Variants in HORMAD2 observed in about 807,000 individuals in gnomAD.
HORMAD2 encodes HORMA domain containing 2.
HORMAD2 carries 45 observed loss-of-function variants against 38.8 expected under a neutral mutation model. That is an observed-to-expected ratio of 1.16 (90% confidence interval 0.91 to 1.49). The LOEUF is 1.49. Ranked by LOEUF, HORMAD2 falls within the 40% of genes most tolerant of loss-of-function variation. The pLI is 0.00. For missense variants in HORMAD2, 338 were observed against 367.0 expected (o/e 0.92, Z 0.65); for synonymous variants, 126 against 122.8 (o/e 1.03, Z -0.17).
intron 1 of HORMAD2, among the ~76,000 whole-genome samples, chr22:30,085,854 G>A (rs2068561900): frequency 1.3e-5 from 2 of 152,186 alleles, no homozygotes; most frequent in African/African-American, 2.4e-5. Flanking sequence ...TAGGTCAGGG[G>A]ATACTTAAAG....
chr22:30,156,291 G>C (rs575777882), intron 10 of HORMAD2, among the ~76,000 whole-genome samples: 10 of 152,232 alleles, frequency 6.6e-5, no homozygotes, highest in African/African-American at 2.4e-4. Flanking sequence ...CTTTCACTAT[G>C]AGTTGAGAAG....
chr22:30,142,410 A>G (rs1341301151), intron 10 of HORMAD2, among the ~76,000 whole-genome samples: 1 of 152,210 alleles, frequency 6.6e-6, no homozygotes, highest in Admixed American at 6.5e-5. Flanking sequence ...TAGTTAGTTT[A>G]GACTGTTGTT....
intron 10 of HORMAD2, among the ~76,000 whole-genome samples, chr22:30,143,286 C>T (rs73883374): frequency 0.078 from 11,866 of 152,050 alleles, 543 homozygotes; most frequent in African/African-American, 0.092. Flanking sequence ...TTTCTCAAGT[C>T]GGTTTGAATT....
the HORMAD2 span, among the ~76,000 whole-genome samples, chr22:30,187,914 C>T: frequency 3.3e-5 from 5 of 151,954 alleles, no homozygotes; most frequent in South Asian, 2.1e-4. Flanking sequence ...GTGGGGGAGC[C>T]GCTGTGAGTC....
At chr22:30,139,144 TGG>T (rs1053267921) in intron 10 of HORMAD2, among the ~76,000 whole-genome samples, 4 of 151,464 alleles carry the variant, frequency 2.6e-5, no homozygotes, top group African/African-American at 9.7e-5. Flanking sequence ...TCAACTTTCC[TGG>T]GTCTCATGCC....
At chr22:30,114,426 T>C (rs1921893409) in intron 7 of HORMAD2, among the ~76,000 whole-genome samples, 1 of 152,172 alleles carries the variant, frequency 6.6e-6, no homozygotes, top group Non-Finnish European at 1.5e-5. Flanking sequence ...CTAAAAAGCA[T>C]CCACAAGTTA....
At chr22:30,164,985 G>GT (rs1350358057) in intron 10 of HORMAD2, among the ~76,000 whole-genome samples, 1 of 151,908 alleles carries the variant, frequency 6.6e-6, no homozygotes, top group Non-Finnish European at 1.5e-5. Flanking sequence ...TTTTGCCTTT[G>GT]TTTTTTGTGT....
chr22:30,153,400 C>G (rs1300366408), intron 10 of HORMAD2, among the ~76,000 whole-genome samples: 2 of 152,304 alleles, frequency 1.3e-5, no homozygotes, highest in East Asian at 3.9e-4. Context: ...AACACCTTTT[C>G]TTGGCTTTCG....
chr22:30,181,061 A>T (rs1926696147), downstream of HORMAD2, among the ~76,000 whole-genome samples: 1 of 147,326 alleles, frequency 6.8e-6, no homozygotes, highest in African/African-American at 2.5e-5. Context: ...ACAAGGTTTC[A>T]TTCTATCACC....
intron 3 of HORMAD2, 141 bp downstream of exon 3, chr22:30,099,134 C>T: frequency 1.5e-6 from 1 of 659,516 alleles, no homozygotes; most frequent in Non-Finnish European, 2.3e-6. Context: ...ATCCATTTTC[C>T]ATTTTAATTT....
At chr22:30,164,064 G>T (rs754417413) in intron 10 of HORMAD2, among the ~76,000 whole-genome samples, 1 of 151,798 alleles carries the variant, frequency 6.6e-6, no homozygotes, top group African/African-American at 2.4e-5. Flanking sequence ...GTTCTTTTTT[G>T]ACTGGCTTAT....
At chr22:30,149,608 C>T (rs184804032) in intron 10 of HORMAD2, among the ~76,000 whole-genome samples, 1 of 152,346 alleles carries the variant, frequency 6.6e-6, no homozygotes, top group African/African-American at 2.4e-5. Context: ...GTATTGGGCT[C>T]TCATCCTGGA....
intron 10 of HORMAD2, among the ~76,000 whole-genome samples, chr22:30,175,437 G>T (rs553835336): frequency 6.7e-6 from 1 of 149,612 alleles, no homozygotes; most frequent in South Asian, 2.1e-4. Flanking sequence ...CTGTTTTTTG[G>T]AATTCCAGGC....
chr22:30,181,000 A>C (rs1306654214), downstream of HORMAD2, among the ~76,000 whole-genome samples: 2 of 98,646 alleles, frequency 2.0e-5, no homozygotes, highest in African/African-American at 4.1e-5. Context: ...TCCTCCCCTA[A>C]CCTACCCTAC....
chr22:30,091,284 T>TTTTTTTTC (rs2068680189), intron 1 of HORMAD2, among the ~76,000 whole-genome samples: 1 of 123,890 alleles, frequency 8.1e-6, no homozygotes, highest in South Asian at 2.6e-4. Flanking sequence ...TTTTTTTTTT[T>TTTTTTTTC]GACAGAGTCT....
intron 1 of HORMAD2, among the ~76,000 whole-genome samples, chr22:30,086,328 A>C (rs1173819049): frequency 6.6e-6 from 1 of 152,180 alleles, no homozygotes; most frequent in East Asian, 1.9e-4. Context: ...TCTTTATAGC[A>C]ATGCAAGAAT....
chr22:30,166,550 T>C (rs1356966191), intron 10 of HORMAD2, among the ~76,000 whole-genome samples: 2 of 152,236 alleles, frequency 1.3e-5, no homozygotes, highest in African/African-American at 2.4e-5. Context: ...TGAACACTTT[T>C]GTAAGTAGTA....
rs193005477 is a variant in HORMAD2 at position 30,110,773 on chromosome 22, C to T, written c.295-1023C>T. On this transcript the variant is annotated intron_variant, in intron 5 of 10. Transcript: ENST00000336726. ...CTTTGAACAACATGGGTTTGAGCTT[C>T]ACAGGTCCACTTATATATGGATTAT... 6.7e-3 allele frequency among the ~76,000 whole-genome samples: 1,022 copies of T among 152,226 alleles called. 4 individuals are homozygous for T. Among genetic ancestry groups the T allele is most frequent in the Non-Finnish European group, 0.011 (727 of 67,986 alleles).
chr22:30,124,887 C>T (rs1322226729), intron 10 of HORMAD2, among the ~76,000 whole-genome samples: 1 of 152,134 alleles, frequency 6.6e-6, no homozygotes. Context: ...TCGCTACCCC[C>T]AGTGAAGGAG....
Sources: gnomAD v4.1 joint callset for allele counts (sites outside exome capture counted in the v4.1 genomes callset) on GRCh38, gnomAD v4.1.1 for gene constraint, MANE v1.5 for transcripts, NCBI Gene and HGNC (gene_info 2026-07-23, HGNC 2026-07-21) for gene names.